ATP8A2: variants seen among roughly 807,000 people sequenced by gnomAD.
The protein encoded by ATP8A2 is phospholipid-transporting ATPase IB.
A neutral mutation model predicts 165.6 loss-of-function variants in ATP8A2; 100 were observed. The ratio of observed to expected loss-of-function variants is 0.60; its 90% CI spans 0.51 to 0.71. The LOEUF is 0.71. ATP8A2 is among the 30% of genes least tolerant of loss of function. The probability of loss-of-function intolerance (pLI) is 0.00; values close to 1 mark genes in which losing one functional copy is unlikely to be tolerated. For synonymous variants in ATP8A2, 543 were observed against 548.8 expected, an observed-to-expected ratio of 0.99 and a Z score of 0.15; for missense variants, 1,227 against 1,479.5, an observed-to-expected ratio of 0.83 and a Z score of 2.80.
At chr13:25,826,259 A>T (rs564094391) in intron 27 of ATP8A2, among the ~76,000 whole-genome samples, 15 of 152,236 alleles carry the variant, frequency 9.9e-5, no homozygotes, top group Non-Finnish European at 1.8e-4. Flanking sequence ...TTTAAAGGAA[A>T]AAGAAATTAA....
At chr13:25,840,775 A>G (rs148235554) in intron 30 of ATP8A2, among the ~76,000 whole-genome samples, 31 of 152,332 alleles carry the variant, frequency 2.0e-4, no homozygotes, top group African/African-American at 7.5e-4. Context: ...TATTTTGGTG[A>G]CAGACTCAGC....
At chr13:25,613,499 G>T (rs986931328) in intron 24 of ATP8A2, among the ~76,000 whole-genome samples, 5 of 152,086 alleles carry the variant, frequency 3.3e-5, no homozygotes, top group Non-Finnish European at 7.4e-5. Flanking sequence ...GCTTGAAGCT[G>T]GGAGGTGGAG....
rs535584499 is a variant in ATP8A2, at chr13:25,980,431, A to G, written c.3377+11752A>G. ...CTGGGGAAGGAACGTTCCAGGCACC[A>G]GAATTTGATAAGAAGGCCTGTAGGG... On this transcript the variant is annotated intron_variant, in intron 35 of 36. Coordinates refer to ENST00000381655, the MANE Select transcript of ATP8A2 (RefSeq NM_016529.6). Among the ~76,000 whole-genome samples, 6 of 152,294 alleles carry G rather than the reference A, an allele frequency of 3.9e-5. No individual in the cohort carries two copies. In the East Asian group the frequency reaches 1.2e-3, roughly 29 times the overall value.
intron 24 of ATP8A2, among the ~76,000 whole-genome samples, chr13:25,655,380 G>A (rs767301247): frequency 2.1e-4 from 32 of 152,214 alleles, no homozygotes; most frequent in African/African-American, 4.3e-4. Flanking sequence ...GGCTGGTCTC[G>A]AACTCCGACC....
chr13:25,555,767 G>A (rs970328671), intron 13 of ATP8A2, among the ~76,000 whole-genome samples: 2 of 151,898 alleles, frequency 1.3e-5, no homozygotes, highest in Non-Finnish European at 2.9e-5. Context: ...GTTTTTCAAC[G>A]CTTTTCCCCA....
intron 35 of ATP8A2, among the ~76,000 whole-genome samples, chr13:25,997,153 C>G (rs768071940): frequency 8.5e-5 from 13 of 152,152 alleles, no homozygotes; most frequent in Non-Finnish European, 1.6e-4. Flanking sequence ...CCTGTAAGAT[C>G]GTTCTGGTGG....
chr13:25,898,882 C>T (rs562795957), intron 33 of ATP8A2, among the ~76,000 whole-genome samples: 45 of 152,314 alleles, frequency 3.0e-4, no homozygotes, highest in Non-Finnish European at 5.9e-4. Context: ...GTTGGAAAAG[C>T]GCAGTATTAG....
intron 25 of ATP8A2, among the ~76,000 whole-genome samples, chr13:25,743,228 A>G (rs1243429334): frequency 6.6e-6 from 1 of 152,072 alleles, no homozygotes; most frequent in African/African-American, 2.4e-5. Flanking sequence ...GCTTCTGCCA[A>G]GGAACGCCAT....
chr13:25,928,637 C>T (rs1248049576), intron 33 of ATP8A2, among the ~76,000 whole-genome samples: 4 of 152,216 alleles, frequency 2.6e-5, no homozygotes, highest in African/African-American at 4.8e-5. Context: ...ATTCCTGTGC[C>T]GTGGTAACTC....
intron 2 of ATP8A2, among the ~76,000 whole-genome samples, chr13:25,488,724 C>T (rs1021331537): frequency 6.6e-5 from 10 of 152,090 alleles, no homozygotes; most frequent in Non-Finnish European, 1.3e-4. Context: ...AAACCAAAAG[C>T]AGTCTTAGTA....
chr13:26,022,161 A>T lies in ATP8A2; in HGVS notation c.*2176A>T, dbSNP rs1957090578. 1 of 152,198 alleles carries T rather than the reference A, an allele frequency of 6.6e-6. No individual in the cohort carries two copies. Among genetic ancestry groups the T allele is most frequent in the African/African-American group, 2.4e-5 (1 of 41,446 alleles). The allele number at this position is 152,198 out of a possible 1,614,324, so 9.4% of individuals were successfully genotyped here. ...AATGTGCCTATGACTAACACGACAA[A>T]CCAAGGTGTATGGTTTCTTTGCACA... On this transcript the variant is annotated 3_prime_UTR_variant, in exon 37 of 37. Transcript: ENST00000381655.
At chr13:25,888,668 T>C (rs1953250771) in intron 33 of ATP8A2, among the ~76,000 whole-genome samples, 1 of 152,214 alleles carries the variant, frequency 6.6e-6, no homozygotes. Context: ...GAGACCAGCC[T>C]GACCAACATG....
intron 24 of ATP8A2, among the ~76,000 whole-genome samples, chr13:25,656,411 G>A (rs2041928027): frequency 6.6e-6 from 1 of 151,854 alleles, no homozygotes; most frequent in African/African-American, 2.4e-5. Flanking sequence ...AAGTAGCTGG[G>A]ATTACAGGTG....
intron 1 of ATP8A2, among the ~76,000 whole-genome samples, chr13:25,453,210 T>C (rs1428939212): frequency 6.6e-6 from 1 of 150,852 alleles, no homozygotes; most frequent in Non-Finnish European, 1.5e-5. Context: ...CACTGCAACC[T>C]CCACCTCCTG....
chr13:25,535,469 A>G (rs2038248361), intron 6 of ATP8A2, among the ~76,000 whole-genome samples: 1 of 152,144 alleles, frequency 6.6e-6, no homozygotes, highest in Admixed American at 6.5e-5. Flanking sequence ...TTCCCAGTGT[A>G]CTAATTCTTT....
intron 23 of ATP8A2, among the ~76,000 whole-genome samples, chr13:25,582,200 CA>C (rs1165848560): frequency 6.6e-6 from 1 of 152,178 alleles, no homozygotes; most frequent in African/African-American, 2.4e-5. Context: ...GCATAGAATT[CA>C]AGATTTGACA....
At chr13:25,738,404 G>C (rs1233298697) in intron 25 of ATP8A2, among the ~76,000 whole-genome samples, 1 of 151,234 alleles carries the variant, frequency 6.6e-6, no homozygotes, top group Non-Finnish European at 1.5e-5. Context: ...AAGGTTGCAG[G>C]GGTTTGGAAT....
At chr13:25,802,160 G>A (rs1950635347) in intron 27 of ATP8A2, among the ~76,000 whole-genome samples, 1 of 152,182 alleles carries the variant, frequency 6.6e-6, no homozygotes, top group South Asian at 2.1e-4. Flanking sequence ...TTGCCTTGCA[G>A]AAAACAGTTC....
chr13:25,671,687 T>C (rs893609499), intron 24 of ATP8A2, among the ~76,000 whole-genome samples: 5 of 151,456 alleles, frequency 3.3e-5, no homozygotes, highest in African/African-American at 1.2e-4. Context: ...CCGGTTGATC[T>C]CAAAACCCTG....
Sources: gnomAD v4.1 joint callset for allele counts (sites outside exome capture counted in the v4.1 genomes callset) on GRCh38, gnomAD v4.1.1 for gene constraint, MANE v1.5 for transcripts, NCBI Gene and HGNC (gene_info 2026-07-23, HGNC 2026-07-21) for gene names.